The following ITFG1 variants were observed in gnomAD, a reference collection of about 807,000 sequenced individuals.
ITFG1 encodes the protein integrin alpha FG-GAP repeat containing 1.
A neutral mutation model predicts 81.8 loss-of-function variants in ITFG1; 34 were observed. That is an observed-to-expected ratio of 0.42 (90% CI 0.32 to 0.55). The LOEUF (loss-of-function observed/expected upper bound fraction) is 0.55. Among genes scored for constraint, ITFG1 ranks in the 20% least tolerant of loss-of-function variants. ITFG1 has a pLI of 0.17. For synonymous variants in ITFG1, 285 were observed against 270.6 expected (o/e 1.05, Z -0.52); for missense variants, 672 against 755.4 (o/e 0.89, Z 1.29).
At chr16:47,335,615 C>T (rs935835687) in intron 8 of ITFG1, among the ~76,000 whole-genome samples, 3 of 152,026 alleles carry the variant, frequency 2.0e-5, no homozygotes, top group African/African-American at 7.2e-5. Context: ...GGCAAATAAA[C>T]TTATAAAAAA....
At chr16:47,199,957 T>A (rs922260388) in intron 14 of ITFG1, among the ~76,000 whole-genome samples, 5 of 152,132 alleles carry the variant, frequency 3.3e-5, no homozygotes, top group African/African-American at 1.2e-4. Flanking sequence ...TATCAGAATC[T>A]TATGCCGCCA....
chr16:47,175,476 G>A (rs898699905), intron 14 of ITFG1, among the ~76,000 whole-genome samples: 1 of 151,934 alleles, frequency 6.6e-6, no homozygotes, highest in Non-Finnish European at 1.5e-5. Flanking sequence ...CATAGGGCTG[G>A]GATTTAATTT....
intron 6 of ITFG1, among the ~76,000 whole-genome samples, chr16:47,378,810 T>C (rs904358421): frequency 7.2e-5 from 11 of 152,052 alleles, no homozygotes; most frequent in African/African-American, 2.7e-4. Context: ...GCCTCAGACT[T>C]TGAATGAAAT....
intron 8 of ITFG1, among the ~76,000 whole-genome samples, chr16:47,320,979 T>A (rs1404329014): frequency 2.0e-5 from 3 of 152,146 alleles, no homozygotes; most frequent in Non-Finnish European, 4.4e-5. Flanking sequence ...AAATTGTAAA[T>A]GGAATGGCTA....
chr16:47,173,005 T>G (rs1339665690), intron 14 of ITFG1, among the ~76,000 whole-genome samples: 1 of 152,208 alleles, frequency 6.6e-6, no homozygotes, highest in Non-Finnish European at 1.5e-5. Context: ...CACTGTTCCT[T>G]GGAAAATCTA....
rs191422550 is a variant in ITFG1, at chr16:47,293,327, T to C, written c.1070+17913A>G. ...GCTGCAATAAATATACAAGTGCTGGTATCGTTTTGGTATAATGATTTATTT... is the reference window on the plus strand; with the variant it reads ...GCTGCAATAAATATACAAGTGCTGGCATCGTTTTGGTATAATGATTTATTT... On this transcript the variant is annotated intron_variant, in intron 10 of 17. Coordinates refer to ENST00000320640, the MANE Select transcript of ITFG1 (RefSeq NM_030790.5). Among the ~76,000 whole-genome samples the C allele has an allele frequency of 2.6e-3, 391 of 151,918 alleles. 3 individuals carry two copies. Among genetic ancestry groups the C allele is most frequent in the African/African-American group, 9.0e-3 (372 of 41,500 alleles).
At chr16:47,455,176 G>A (rs1213485406) in intron 2 of ITFG1, among the ~76,000 whole-genome samples, 4 of 152,060 alleles carry the variant, frequency 2.6e-5, no homozygotes, top group Admixed American at 1.3e-4. Context: ...TACATGCAGG[G>A]CAAAAGATAG....
At chr16:47,430,488 T>G (rs939977858) in intron 5 of ITFG1, among the ~76,000 whole-genome samples, 1 of 152,214 alleles carries the variant, frequency 6.6e-6, no homozygotes, top group Non-Finnish European at 1.5e-5. Flanking sequence ...TGCAAGGCCA[T>G]GAAAATTTGC....
At chr16:47,186,526 T>C (rs915119007) in intron 14 of ITFG1, among the ~76,000 whole-genome samples, 6 of 152,148 alleles carry the variant, frequency 3.9e-5, no homozygotes, top group African/African-American at 1.4e-4. Context: ...ATTATCTCAA[T>C]AGATGCAGAA....
chr16:47,359,828 C>T (rs952118180), intron 8 of ITFG1, among the ~76,000 whole-genome samples: 1 of 152,184 alleles, frequency 6.6e-6, no homozygotes, highest in Non-Finnish European at 1.5e-5. Context: ...TTAAAATAGC[C>T]CTTCTCATTT....
At chr16:47,382,185 T>C (rs1968403952) in intron 6 of ITFG1, among the ~76,000 whole-genome samples, 1 of 152,200 alleles carries the variant, frequency 6.6e-6, no homozygotes, top group Non-Finnish European at 1.5e-5. Flanking sequence ...TCCAGGCTGA[T>C]TTTGCTCATG....
chr16:47,362,243 T>A (rs112062266), intron 8 of ITFG1, among the ~76,000 whole-genome samples: 1 of 152,134 alleles, frequency 6.6e-6, no homozygotes, highest in African/African-American at 2.4e-5. Flanking sequence ...GTTTCCACCT[T>A]TAGAAAATAC....
chr16:47,410,202 C>T lies in ITFG1; in HGVS notation c.655+18602G>A, dbSNP rs139867482. Reference sequence around the variant, plus strand: ...GCTGAGGTGGGAGGATTACTTGAGCCCAGGAGGTTGAGGCTCCTGTGAGCT... The same window carrying T: ...GCTGAGGTGGGAGGATTACTTGAGCTCAGGAGGTTGAGGCTCCTGTGAGCT... On this transcript the variant is annotated intron_variant, in intron 6 of 17. Transcript: ENST00000320640. 7.5e-3 allele frequency among the ~76,000 whole-genome samples: 1,142 copies of T among 152,128 alleles called. 20 individuals carry two copies. The highest frequency in any genetic ancestry group is 0.026 in the African/African-American group (1,082 of 41,496).
chr16:47,417,639 G>T (rs1968891103), intron 6 of ITFG1, among the ~76,000 whole-genome samples: 1 of 152,120 alleles, frequency 6.6e-6, no homozygotes, highest in South Asian at 2.1e-4. Context: ...TGTGATATTT[G>T]ACTTTCTGTA....
At chr16:47,269,863 C>CA (rs1358789101) in intron 10 of ITFG1, among the ~76,000 whole-genome samples, 16 of 152,150 alleles carry the variant, frequency 1.1e-4, no homozygotes, top group Non-Finnish European at 1.9e-4. Context: ...AGGGCATATA[C>CA]TATCTGAATT....
At chr16:47,187,436 A>G (rs896315867) in intron 14 of ITFG1, among the ~76,000 whole-genome samples, 1 of 152,162 alleles carries the variant, frequency 6.6e-6, no homozygotes, top group African/African-American at 2.4e-5. Flanking sequence ...GGAACAGAAC[A>G]GAGCCCTCAG....
At chr16:47,424,328 G>A (rs1239612072) in intron 6 of ITFG1, among the ~76,000 whole-genome samples, 5 of 151,982 alleles carry the variant, frequency 3.3e-5, no homozygotes, top group Non-Finnish European at 2.9e-5. Flanking sequence ...TTAGCCATTC[G>A]CCTAACCTTT....
At chr16:47,458,909 A>C (rs997854832) in intron 2 of ITFG1, among the ~76,000 whole-genome samples, 194 bp downstream of exon 2, 2 of 152,052 alleles carry the variant, frequency 1.3e-5, no homozygotes, top group Admixed American at 6.6e-5. Flanking sequence ...ACTCAAATTT[A>C]TTTCTTTAAA....
chr16:47,228,363 T>C (rs910606604), intron 13 of ITFG1, among the ~76,000 whole-genome samples: 2 of 151,482 alleles, frequency 1.3e-5, no homozygotes, highest in African/African-American at 4.9e-5. Flanking sequence ...GTTTTTTTTT[T>C]GTTTGTTTGT....
Sources: allele counts gnomAD v4.1 joint callset (sites outside exome capture counted in the v4.1 genomes callset), GRCh38; gene constraint gnomAD v4.1.1; transcripts MANE v1.5; gene names NCBI Gene and HGNC (gene_info 2026-07-23, HGNC 2026-07-21).